CEP85L: variants seen among roughly 807,000 people sequenced by gnomAD.
CEP85L encodes centrosomal protein 85L, also known as centrosomal protein of 85 kDa-like.
A neutral mutation model predicts 100.3 loss-of-function variants in CEP85L; 60 were observed. The ratio of observed to expected loss-of-function variants is 0.60; its 90% CI spans 0.49 to 0.74. The LOEUF (loss-of-function observed/expected upper bound fraction) is 0.74. Among genes scored for constraint, CEP85L ranks in the 30% least tolerant of loss-of-function variants. The pLI is 0.00. For missense variants in CEP85L, 973 were observed against 936.2 expected (o/e 1.04, Z -0.51); for synonymous variants, 319 against 322.7 (o/e 0.99, Z 0.12).
chr6:118,579,945 AC>A (rs1412627913), intron 2 of CEP85L, among the ~76,000 whole-genome samples: 2 of 152,056 alleles, frequency 1.3e-5, no homozygotes, highest in African/African-American at 2.4e-5. Flanking sequence ...CATCATGGCC[AC>A]CCCCACATAT....
chr6:118,556,285 T>A (rs1006421488), intron 3 of CEP85L, among the ~76,000 whole-genome samples: 5 of 152,174 alleles, frequency 3.3e-5, no homozygotes, highest in Non-Finnish European at 7.3e-5. Context: ...CAATGAAGAA[T>A]ATATGCTAGA....
At chr6:118,637,006 A>C (rs1181006198) in intron 1 of CEP85L, among the ~76,000 whole-genome samples, 1 of 152,236 alleles carries the variant, frequency 6.6e-6, no homozygotes, top group African/African-American at 2.4e-5. Flanking sequence ...GATATGAAAA[A>C]GTGGGGACAG....
At chr6:118,678,603 G>A (rs1776551897) in intron 1 of CEP85L, among the ~76,000 whole-genome samples, 1 of 152,278 alleles carries the variant, frequency 6.6e-6, no homozygotes. Flanking sequence ...TGAACTCTGT[G>A]CAACAAATGC....
chr6:118,491,457 A>G, intron 6 of CEP85L: 1 of 1,252,188 alleles, frequency 8.0e-7, no homozygotes, highest in Non-Finnish European at 1.0e-6. Context: ...AATTTTTTAA[A>G]GATTTTACTA....
intron 2 of CEP85L, among the ~76,000 whole-genome samples, chr6:118,632,162 T>C (rs1774206535): frequency 6.6e-6 from 1 of 152,152 alleles, no homozygotes; most frequent in African/African-American, 2.4e-5. Flanking sequence ...GCTAATTTTT[T>C]GTATTTTTAG....
chr6:118,651,081 G>T (rs1775521746), intron 1 of CEP85L, 116 bp downstream of exon 1: 21 of 1,354,868 alleles, frequency 1.5e-5, no homozygotes, highest in Non-Finnish European at 2.0e-5. Context: ...CGGCGGCGTC[G>T]GGGAGGCGGC....
intron 1 of CEP85L, among the ~76,000 whole-genome samples, chr6:118,678,386 A>G (rs1223755678): frequency 1.3e-5 from 2 of 152,204 alleles, no homozygotes; most frequent in African/African-American, 2.4e-5. Context: ...GTCTTCTGGC[A>G]TCATTGTCAG....
intron 5 of CEP85L, among the ~76,000 whole-genome samples, chr6:118,510,896 G>C (rs188089185): frequency 1.3e-5 from 2 of 152,072 alleles, no homozygotes; most frequent in East Asian, 3.9e-4. Flanking sequence ...CAAGGGAAAG[G>C]GGTGTTATCT....
In CEP85L at chr6:118,461,526, A is replaced by G. The variant is rs1321808153; in HGVS notation, c.*3879T>C. The G allele has an allele frequency of 6.6e-6, 1 of 152,130 alleles. No homozygotes were observed. Among genetic ancestry groups the G allele is most frequent in the African/African-American group, 2.4e-5 (1 of 41,444 alleles). The allele number at this position is 152,130 out of a possible 1,614,324, so 9.4% of individuals were successfully genotyped here. Reference sequence around the variant, plus strand: ...ATGCTTACTGCAGGCAAAAAGGCACAAAAGGTTCTCTCTGTGTACAGCTGC... The same window carrying G: ...ATGCTTACTGCAGGCAAAAAGGCACGAAAGGTTCTCTCTGTGTACAGCTGC... On this transcript the variant is annotated 3_prime_UTR_variant, in exon 13 of 13. Transcript: ENST00000368491.
intron 5 of CEP85L, among the ~76,000 whole-genome samples, chr6:118,499,028 C>A (rs1212619291): frequency 1.3e-5 from 2 of 152,078 alleles, no homozygotes; most frequent in East Asian, 1.9e-4. Context: ...AAAAGGAAAT[C>A]TCAAGAGAAA....
At chr6:118,664,416 C>T (rs1236435470) in intron 1 of CEP85L, 1 of 152,302 alleles carries the variant, frequency 6.6e-6, no homozygotes, top group Non-Finnish European at 1.5e-5. Flanking sequence ...ATTACCAATA[C>T]AGGAGGTCAG....
rs532050854 is a variant in CEP85L, at chr6:118,518,080, C to T, written c.1139+5722G>A. Among the ~76,000 whole-genome samples the T allele has an allele frequency of 7.9e-5, 12 of 152,160 alleles. No individual in the cohort carries two copies. In the East Asian group the frequency reaches 9.6e-4, roughly 12 times the overall value. ...CAGCCTTGCATCCCAGGGATGACGC[C>T]GACTTGTTTGTGGTAGGTAAGCTTT... On this transcript the variant is annotated intron_variant, in intron 4 of 12. Transcript: ENST00000368491.
chr6:118,538,433 A>G lies in CEP85L; in HGVS notation c.1021-14513T>C, dbSNP rs146841966. On this transcript the variant is annotated intron_variant, in intron 3 of 12. Coordinates refer to ENST00000368491, the MANE Select transcript of CEP85L (RefSeq NM_001042475.3). ...TATATAAAAAACATCTTAAGAATGC[A>G]TATGCATGAAGATAAAGGGAACTCA... 6.9e-4 allele frequency among the ~76,000 whole-genome samples: 105 copies of G among 152,144 alleles called. 1 individual carries two copies. In the East Asian group the frequency reaches 0.018, roughly 26 times the overall value.
intron 3 of CEP85L, among the ~76,000 whole-genome samples, chr6:118,564,348 C>T (rs1214325305): frequency 6.6e-6 from 1 of 152,166 alleles, no homozygotes; most frequent in African/African-American, 2.4e-5. Flanking sequence ...TCTCTGTTTT[C>T]CTATAATGAC....
rs564954163 is a variant in CEP85L, at chr6:118,558,198, G to A, written c.1020+7331C>T. ...ACTCCTGACCTCAGGGGAACTGCCCGCCTTGGCCTCCCAAAGTGCTGGGAT... is the reference window on the plus strand; with the variant it reads ...ACTCCTGACCTCAGGGGAACTGCCCACCTTGGCCTCCCAAAGTGCTGGGAT... On this transcript the variant is annotated intron_variant, in intron 3 of 12. Transcript: ENST00000368491. Among the ~76,000 whole-genome samples, 222 of 152,190 alleles carry A rather than the reference G, an allele frequency of 1.5e-3. 1 individual carries two copies. Among genetic ancestry groups the A allele is most frequent in the African/African-American group, 5.1e-3 (213 of 41,540 alleles).
At chr6:118,489,428 A>G (rs1316410460) in intron 6 of CEP85L, among the ~76,000 whole-genome samples, 1 of 152,206 alleles carries the variant, frequency 6.6e-6, no homozygotes, top group Non-Finnish European at 1.5e-5. Flanking sequence ...AAAGCATAAG[A>G]AAGTACAGTT....
At chr6:118,492,892 T>C (rs1274666126) in intron 5 of CEP85L, among the ~76,000 whole-genome samples, 4 of 152,112 alleles carry the variant, frequency 2.6e-5, no homozygotes, top group Admixed American at 2.6e-4. Context: ...ACTGATACTT[T>C]CCCAAAAGGT....
chr6:118,639,158 A>AG (rs1027873387), intron 1 of CEP85L, among the ~76,000 whole-genome samples: 1 of 152,190 alleles, frequency 6.6e-6, no homozygotes, highest in African/African-American at 2.4e-5. Flanking sequence ...TAGTAGATAA[A>AG]GCATGTTTAC....
At chr6:118,633,317 G>A (rs897633999) in intron 1 of CEP85L, among the ~76,000 whole-genome samples, 1 of 150,988 alleles carries the variant, frequency 6.6e-6, no homozygotes, top group African/African-American at 2.4e-5. Flanking sequence ...CCATTCTCCT[G>A]CCTCAGCCTC....
Sources: gnomAD v4.1 joint callset for allele counts (sites outside exome capture counted in the v4.1 genomes callset) on GRCh38, gnomAD v4.1.1 for gene constraint, MANE v1.5 for transcripts, NCBI Gene and HGNC (gene_info 2026-07-23, HGNC 2026-07-21) for gene names.